SDK1: variants seen among roughly 807,000 people sequenced by gnomAD.
The protein encoded by SDK1 is protein sidekick-1.
In SDK1, 157 loss-of-function variants were observed where a neutral mutation model predicts 245.5. The ratio of observed to expected loss-of-function variants is 0.64; its 90% CI spans 0.56 to 0.73. SDK1 has a LOEUF of 0.73. Ranked by LOEUF, SDK1 falls within the 30% of genes least tolerant of loss-of-function variation. SDK1 has a pLI of 0.00. For synonymous variants in SDK1, 1,647 were observed against 1,278.5 expected (o/e 1.29, Z -6.15); for missense variants, 3,583 against 3,002.3 (o/e 1.19, Z -4.52).
At chr7:3,567,263 C>T (rs745900598) in intron 1 of SDK1, among the ~76,000 whole-genome samples, 1 of 152,192 alleles carries the variant, frequency 6.6e-6, no homozygotes, top group Non-Finnish European at 1.5e-5. Flanking sequence ...TATTTATCCT[C>T]CATTCCTCAG....
intron 1 of SDK1, among the ~76,000 whole-genome samples, chr7:3,392,665 G>A (rs997277501): frequency 6.6e-6 from 1 of 151,902 alleles, no homozygotes; most frequent in African/African-American, 2.4e-5. Flanking sequence ...TTGTCTTTAT[G>A]AATTTGTCTA....
intron 1 of SDK1, among the ~76,000 whole-genome samples, chr7:3,433,363 T>A (rs1041799548): frequency 1.3e-5 from 2 of 152,248 alleles, no homozygotes; most frequent in Admixed American, 6.5e-5. Flanking sequence ...GAGGAGGGGT[T>A]GAAGTTTTTA....
At chr7:3,584,838 C>T (rs567839211) in intron 1 of SDK1, among the ~76,000 whole-genome samples, 1 of 152,134 alleles carries the variant, frequency 6.6e-6, no homozygotes, top group East Asian at 1.9e-4. Context: ...GTTCTGCTGC[C>T]TCAGCCTCCC....
chr7:3,822,530 G>A (rs867052965), intron 5 of SDK1, among the ~76,000 whole-genome samples: 1 of 152,280 alleles, frequency 6.6e-6, no homozygotes, highest in Middle Eastern at 3.4e-3. Flanking sequence ...AGCAATTTGG[G>A]AGGCCAAGGC....
chr7:3,532,573 C>T (rs1262716988), intron 1 of SDK1, among the ~76,000 whole-genome samples: 2 of 152,164 alleles, frequency 1.3e-5, no homozygotes, highest in South Asian at 4.1e-4. Flanking sequence ...AGACCCAAGT[C>T]TTCTGTCTGC....
At chr7:4,246,465 T>A (rs1185219286) in intron 44 of SDK1, among the ~76,000 whole-genome samples, 1 of 152,038 alleles carries the variant, frequency 6.6e-6, no homozygotes, top group Non-Finnish European at 1.5e-5. Context: ...AAATTGGTGG[T>A]CTGTAGACCC....
chr7:3,383,688 A>G (rs530357926), intron 1 of SDK1, among the ~76,000 whole-genome samples: 1 of 152,336 alleles, frequency 6.6e-6, no homozygotes, highest in South Asian at 2.1e-4. Context: ...ACTGAGAAAA[A>G]TAATTTCCCC....
At chr7:3,752,339 C>T (rs1227808569) in intron 4 of SDK1, among the ~76,000 whole-genome samples, 1 of 152,152 alleles carries the variant, frequency 6.6e-6, no homozygotes, top group South Asian at 2.1e-4. Context: ...CTGAACATCA[C>T]AGTTTTGGTG....
At chr7:3,437,661 A>G (rs1449045253) in intron 1 of SDK1, among the ~76,000 whole-genome samples, 7 of 152,064 alleles carry the variant, frequency 4.6e-5, no homozygotes, top group African/African-American at 1.7e-4. Context: ...CACCTATTTC[A>G]GGGGGCAGGG....
At chr7:3,681,591 A>G (rs1167702099) in intron 4 of SDK1, among the ~76,000 whole-genome samples, 1 of 152,224 alleles carries the variant, frequency 6.6e-6, no homozygotes, top group Non-Finnish European at 1.5e-5. Context: ...GTCTTTTGAC[A>G]TATCATACTT....
intron 4 of SDK1, among the ~76,000 whole-genome samples, chr7:3,682,617 A>G (rs1784138346): frequency 6.6e-6 from 1 of 152,198 alleles, no homozygotes; most frequent in African/African-American, 2.4e-5. Flanking sequence ...TCCTTTCTTG[A>G]GAATTTTTTT....
chr7:3,847,157 AAACCC>A (rs1225298858), intron 5 of SDK1, among the ~76,000 whole-genome samples: 1 of 151,726 alleles, frequency 6.6e-6, no homozygotes, highest in Non-Finnish European at 1.5e-5. Context: ...TGAAACCTCC[AAACCC>A]TGCCTTTGCG....
intron 1 of SDK1, among the ~76,000 whole-genome samples, chr7:3,563,246 T>C (rs768284634): frequency 6.6e-6 from 1 of 152,010 alleles, no homozygotes; most frequent in African/African-American, 2.4e-5. Context: ...ATGGAAAATA[T>C]GAAAAAAAGC....
At chr7:3,892,026 T>C (rs527435693) in intron 5 of SDK1, among the ~76,000 whole-genome samples, 5 of 152,204 alleles carry the variant, frequency 3.3e-5, no homozygotes, top group Non-Finnish European at 5.9e-5. Context: ...TAAGTTATCA[T>C]AGGTTATTTC....
intron 44 of SDK1, among the ~76,000 whole-genome samples, chr7:4,247,997 C>T (rs1269891142): frequency 6.6e-6 from 1 of 152,140 alleles, no homozygotes; most frequent in Non-Finnish European, 1.5e-5. Context: ...ATATTTGTTC[C>T]TAAAAGCATT....
intron 35 of SDK1, among the ~76,000 whole-genome samples, chr7:4,193,889 G>A (rs1020570595): frequency 1.3e-5 from 2 of 152,136 alleles, no homozygotes; most frequent in Admixed American, 1.3e-4. Context: ...TCCACACATG[G>A]TCAGAGGTAT....
chr7:4,004,141 G>A (rs903459529), intron 14 of SDK1, among the ~76,000 whole-genome samples: 2 of 152,198 alleles, frequency 1.3e-5, no homozygotes, highest in Admixed American at 1.3e-4. Flanking sequence ...CCAAGAGTGG[G>A]TGCTTTTGTT....
rs182313172 is a variant in SDK1 at position 3,342,378 on chromosome 7, C to T, written c.298+40494C>T. ...CCGAAGTGGGTGGATCACCTGAGGT[C>T]GGGAGTTTGAGATCAGCCTGACCGA... On this transcript the variant is annotated intron_variant, in intron 1 of 44. Transcript: ENST00000404826. Among the ~76,000 whole-genome samples the T allele has an allele frequency of 8.5e-5, 13 of 152,114 alleles. 1 individual carries two copies. Among genetic ancestry groups the T allele is most frequent in the South Asian group, 4.2e-4 (2 of 4,810 alleles).
chr7:3,877,428 G>C (rs757793606), intron 5 of SDK1, among the ~76,000 whole-genome samples: 70 of 152,164 alleles, frequency 4.6e-4, no homozygotes, highest in Non-Finnish European at 5.3e-4. Context: ...GAGAACAACC[G>C]TGTTCCCTCT....
Sources: gnomAD v4.1 joint callset for allele counts (sites outside exome capture counted in the v4.1 genomes callset) on GRCh38, gnomAD v4.1.1 for gene constraint, MANE v1.5 for transcripts, NCBI Gene and HGNC (gene_info 2026-07-23, HGNC 2026-07-21) for gene names.